Variants in KCNQ5 observed in about 807,000 individuals in gnomAD.
KCNQ5 encodes the protein potassium voltage-gated channel subfamily Q member 5, also known as potassium voltage-gated channel subfamily KQT member 5.
In KCNQ5, 30 loss-of-function variants were observed where a neutral mutation model predicts 98.2. The ratio of observed to expected loss-of-function variants is 0.31; its 90% CI spans 0.23 to 0.41. KCNQ5 has a LOEUF of 0.41. Ranked by LOEUF, KCNQ5 falls within the 10% of genes least tolerant of loss-of-function variation. The pLI, the probability that KCNQ5 is intolerant of heterozygous loss-of-function variation, is 1.00. For missense variants in KCNQ5, 835 were observed against 1,182.5 expected (o/e 0.71, Z 4.31); for synonymous variants, 458 against 449.4 (o/e 1.02, Z -0.24).
chr6:72,841,929 A>G (rs866044278), intron 1 of KCNQ5, among the ~76,000 whole-genome samples: 1 of 152,214 alleles, frequency 6.6e-6, no homozygotes, highest in African/African-American at 2.4e-5. Context: ...CTTTTAGAAG[A>G]CTATGAATCT....
At chr6:72,687,622 G>A (rs1482791918) in intron 1 of KCNQ5, among the ~76,000 whole-genome samples, 1 of 152,192 alleles carries the variant, frequency 6.6e-6, no homozygotes, top group Non-Finnish European at 1.5e-5. Flanking sequence ...CATACTTGAA[G>A]TGCTAGGCAA....
At chr6:72,645,186 A>T (rs577429680) in intron 1 of KCNQ5, among the ~76,000 whole-genome samples, 5 of 145,580 alleles carry the variant, frequency 3.4e-5, no homozygotes, top group African/African-American at 1.3e-4. Flanking sequence ...TCTGGGCTAT[A>T]TAGTGAGACC....
At chr6:72,757,418 A>G (rs1385762537) in intron 1 of KCNQ5, among the ~76,000 whole-genome samples, 1 of 152,212 alleles carries the variant, frequency 6.6e-6, no homozygotes, top group Non-Finnish European at 1.5e-5. Context: ...AGTTGAAAAT[A>G]TCATTAATCA....
At chr6:72,842,737 T>A (rs555845171) in intron 1 of KCNQ5, among the ~76,000 whole-genome samples, 1 of 152,346 alleles carries the variant, frequency 6.6e-6, no homozygotes, top group East Asian at 1.9e-4. Context: ...TAATGACTAG[T>A]GATGCTGACC....
At chr6:72,689,613 G>A (rs1458491238) in intron 1 of KCNQ5, among the ~76,000 whole-genome samples, 1 of 152,172 alleles carries the variant, frequency 6.6e-6, no homozygotes, top group Non-Finnish European at 1.5e-5. Flanking sequence ...ACTAAAAATT[G>A]GAAGATTATA....
At chr6:73,140,154 C>T (rs1157691960) in intron 10 of KCNQ5, among the ~76,000 whole-genome samples, 2 of 152,144 alleles carry the variant, frequency 1.3e-5, no homozygotes, top group East Asian at 1.9e-4. Flanking sequence ...TCCATAATGG[C>T]CTATTTTCTT....
intron 1 of KCNQ5, among the ~76,000 whole-genome samples, chr6:72,744,389 C>G (rs1771274250): frequency 6.6e-6 from 1 of 152,186 alleles, no homozygotes; most frequent in African/African-American, 2.4e-5. Context: ...CCATCTACTT[C>G]TCATCTATTG....
chr6:73,026,849 T>C (rs1284075846), intron 2 of KCNQ5, among the ~76,000 whole-genome samples: 1 of 149,860 alleles, frequency 6.7e-6, no homozygotes, highest in East Asian at 2.1e-4. Context: ...TCCAATTTTA[T>C]AGAAAAAAAA....
At chr6:73,141,205 A>G (rs12195614) in intron 10 of KCNQ5, among the ~76,000 whole-genome samples, 3,482 of 152,312 alleles carry the variant, frequency 0.023, 52 homozygotes, top group Non-Finnish European at 0.032. Context: ...GGAAAGGGCG[A>G]GGTTCCTCTT....
At chr6:73,189,042 G>A (rs17522390) in intron 11 of KCNQ5, among the ~76,000 whole-genome samples, 5,934 of 149,950 alleles carry the variant, frequency 0.04, 243 homozygotes, top group East Asian at 0.18. Flanking sequence ...TGACAGTCTG[G>A]TATATGGAAA....
chr6:72,926,582 T>C (rs912803848), intron 1 of KCNQ5, among the ~76,000 whole-genome samples: 1 of 152,126 alleles, frequency 6.6e-6, no homozygotes, highest in African/African-American at 2.4e-5. Context: ...TTCCTTAGAA[T>C]TTTTCATTTA....
At chr6:73,179,648 C>A (rs1224673100) in intron 11 of KCNQ5, among the ~76,000 whole-genome samples, 2 of 152,162 alleles carry the variant, frequency 1.3e-5, no homozygotes, top group African/African-American at 4.8e-5. Flanking sequence ...ACATCCACCC[C>A]ACAAACATAA....
At chr6:72,785,302 A>G (rs1773679343) in intron 1 of KCNQ5, among the ~76,000 whole-genome samples, 1 of 152,174 alleles carries the variant, frequency 6.6e-6, no homozygotes, top group Non-Finnish European at 1.5e-5. Context: ...TGAAGACACC[A>G]TGGAGCTGGG....
chr6:73,048,488 C>G (rs1233476583), intron 3 of KCNQ5, among the ~76,000 whole-genome samples: 1 of 152,140 alleles, frequency 6.6e-6, no homozygotes, highest in East Asian at 1.9e-4. Context: ...ATCAAGGTTC[C>G]TTCTAAAGAC....
At chr6:73,179,461 T>A (rs1267917487) in intron 11 of KCNQ5, among the ~76,000 whole-genome samples, 1 of 152,230 alleles carries the variant, frequency 6.6e-6, no homozygotes, top group African/African-American at 2.4e-5. Flanking sequence ...AGAGTCCTCA[T>A]GATCTAATCA....
At chr6:72,946,719 A>G (rs1246664519) in intron 1 of KCNQ5, among the ~76,000 whole-genome samples, 1 of 152,240 alleles carries the variant, frequency 6.6e-6, no homozygotes, top group Non-Finnish European at 1.5e-5. Flanking sequence ...GGAAATAAAT[A>G]TGGATTTGTT....
intron 10 of KCNQ5, chr6:73,136,549 A>G (rs1156965969): frequency 1.3e-5 from 2 of 152,200 alleles, no homozygotes; most frequent in Non-Finnish European, 2.9e-5. Context: ...TCCCTTGTTG[A>G]TGCCCATTCA....
chr6:72,988,659 T>TA (rs1183668593), intron 1 of KCNQ5, among the ~76,000 whole-genome samples: 1 of 149,894 alleles, frequency 6.7e-6, no homozygotes. Flanking sequence ...CTTTTTTTTT[T>TA]TTTTTTTTAT....
intron 1 of KCNQ5, among the ~76,000 whole-genome samples, chr6:72,780,049 T>A (rs1654739881): frequency 6.6e-6 from 1 of 152,170 alleles, no homozygotes; most frequent in Admixed American, 6.5e-5. Flanking sequence ...TAGTCTTGCA[T>A]AATTTTTCAG....
Sources: allele counts gnomAD v4.1 joint callset (sites outside exome capture counted in the v4.1 genomes callset), GRCh38; gene constraint gnomAD v4.1.1; transcripts MANE v1.5; gene names NCBI Gene and HGNC (gene_info 2026-07-23, HGNC 2026-07-21).